The following TSPEAR variants were observed in gnomAD, a reference collection of about 807,000 sequenced individuals.
TSPEAR encodes thrombospondin type laminin G domain and EAR repeats, also known as thrombospondin-type laminin G domain and EAR repeat-containing protein.
Under a neutral mutation model 71.6 loss-of-function variants are expected in TSPEAR, and 69 were observed. That is an observed-to-expected ratio of 0.96 (90% confidence interval 0.79 to 1.18). TSPEAR has a LOEUF of 1.18. TSPEAR is among the 50% of genes most tolerant of loss of function. The pLI, the probability that TSPEAR is intolerant of heterozygous loss-of-function variation, is 0.00. For missense variants in TSPEAR, 971 were observed against 894.9 expected (o/e 1.09, Z -1.09); for synonymous variants, 402 against 387.2 (o/e 1.04, Z -0.45).
At chr21:44,512,135 G>A (rs1601333293) in intron 9 of TSPEAR, among the ~76,000 whole-genome samples, 1 of 152,230 alleles carries the variant, frequency 6.6e-6, no homozygotes, top group East Asian at 1.9e-4. Context: ...CAGGAGGGCT[G>A]GGCGCACACA....
intron 2 of TSPEAR, among the ~76,000 whole-genome samples, chr21:44,565,344 A>T (rs1463654182): frequency 6.6e-6 from 1 of 152,208 alleles, no homozygotes; most frequent in Middle Eastern, 3.2e-3. Flanking sequence ...AGGAAGTATT[A>T]CTTCCTAACT....
chr21:44,654,450 G>A (rs1555942125), intron 1 of TSPEAR: 3 of 1,614,074 alleles, frequency 1.9e-6, no homozygotes. Context: ...CTGGCTGGCA[G>A]CAGGTGGATA....
chr21:44,702,740 G>T (rs116719576), intron 1 of TSPEAR: 21 of 1,423,172 alleles, frequency 1.5e-5, no homozygotes, highest in African/African-American at 2.8e-5. Flanking sequence ...CTCCTCTGCC[G>T]CCGTGTGTGC....
intron 9 of TSPEAR, among the ~76,000 whole-genome samples, chr21:44,511,510 A>G (rs1216913426): frequency 2.0e-5 from 3 of 152,222 alleles, no homozygotes; most frequent in Non-Finnish European, 4.4e-5. Context: ...GCAACCATGC[A>G]TCTGTGTCCA....
chr21:44,530,990 G>A, intron 4 of TSPEAR, 53 bp downstream of exon 4: 1 of 1,430,368 alleles, frequency 7.0e-7, no homozygotes, highest in South Asian at 1.2e-5. Flanking sequence ...ACTGGCCTGG[G>A]GCAGTCCCAT....
chr21:44,527,158 G>A (rs940203124), intron 7 of TSPEAR, 134 bp downstream of exon 7: 3 of 815,796 alleles, frequency 3.7e-6, no homozygotes, highest in East Asian at 2.6e-5. Context: ...GACTCTGTCA[G>A]CCTTTTACCG....
rs1194973308 is a variant in TSPEAR, at chr21:44,674,102, C to G, written c.82+37331G>C. Among the ~76,000 whole-genome samples, 21 of 137,368 alleles carry G rather than the reference C, an allele frequency of 1.5e-4. No homozygotes were observed. In the Admixed American group the frequency reaches 1.6e-3, roughly 10 times the overall value. 90.1% of individuals were successfully genotyped at this position (137,368 alleles called of 152,430 possible). A position where few individuals can be genotyped will look rare whatever the true frequency, so the allele number is the denominator to read the frequency against. ...GAGTTTAAGGCCAGTCTGAGCAACACAGTAAGACTCCATCTCAAAAAAAAA... is the reference window on the plus strand; with the variant it reads ...GAGTTTAAGGCCAGTCTGAGCAACAGAGTAAGACTCCATCTCAAAAAAAAA... On this transcript the variant is annotated intron_variant, in intron 1 of 11. Coordinates refer to ENST00000323084, the MANE Select transcript of TSPEAR (RefSeq NM_144991.3).
At chr21:44,685,448 G>T (rs1188966795) in intron 1 of TSPEAR, among the ~76,000 whole-genome samples, 10 of 152,092 alleles carry the variant, frequency 6.6e-5, no homozygotes, top group African/African-American at 2.4e-4. Flanking sequence ...CTCTGCAGGG[G>T]TGAGACTGAC....
chr21:44,618,863 C>G (rs587637878), intron 1 of TSPEAR, among the ~76,000 whole-genome samples: 121 of 152,262 alleles, frequency 7.9e-4, no homozygotes, highest in Non-Finnish European at 1.5e-3. Flanking sequence ...CAAAAATTTT[C>G]AGTTGGGAAA....
intron 1 of TSPEAR, among the ~76,000 whole-genome samples, chr21:44,669,495 T>C (rs1555945492): frequency 2.0e-5 from 3 of 152,144 alleles, no homozygotes; most frequent in African/African-American, 7.2e-5. Context: ...CAGAGCCTCC[T>C]CCACCCCTCA....
chr21:44,697,022 AGACGC>A lies in TSPEAR; in HGVS notation c.82+14406_82+14410del. On this transcript the variant is annotated intron_variant, in intron 1 of 11. Coordinates refer to ENST00000323084, the MANE Select transcript of TSPEAR (RefSeq NM_144991.3). ...ACTCCCTCCTTCCCATCCAGCACCC[AGACGC>A]TCACTCACTCCCTCCCTCCTGCCCA... The A allele has an allele frequency of 5.5e-6, 5 of 904,960 alleles. 1 individual carries two copies. The highest frequency in any genetic ancestry group is 8.0e-6 in the Non-Finnish European group (5 of 628,874). 56.1% of individuals were successfully genotyped at this position (904,960 alleles called of 1,614,324 possible). A position where few individuals can be genotyped will look rare whatever the true frequency, so the allele number is the denominator to read the frequency against.
At chr21:44,646,056 C>T (rs967535769) in intron 1 of TSPEAR, among the ~76,000 whole-genome samples, 5 of 118,354 alleles carry the variant, frequency 4.2e-5, no homozygotes, top group South Asian at 3.0e-4. Context: ...ACCCAGGGGG[C>T]GGAGGTTGCA....
chr21:44,601,299 G>A (rs782280612), intron 1 of TSPEAR: 3 of 1,610,852 alleles, frequency 1.9e-6, no homozygotes, highest in Middle Eastern at 1.7e-4. Flanking sequence ...CTTGCCAGCA[G>A]GCCTGCTGTG....
chr21:44,628,076 G>C (rs782134593), intron 1 of TSPEAR: 6 of 1,594,268 alleles, frequency 3.8e-6, no homozygotes, highest in South Asian at 1.1e-5. Context: ...GGGCCAGCCG[G>C]GCTCAGGCCC....
At chr21:44,538,286 A>G (rs1408714509) in intron 2 of TSPEAR, among the ~76,000 whole-genome samples, 1 of 152,130 alleles carries the variant, frequency 6.6e-6, no homozygotes, top group African/African-American at 2.4e-5. Flanking sequence ...CCTTTCCCAC[A>G]GGACATCACA....
intron 1 of TSPEAR, among the ~76,000 whole-genome samples, chr21:44,618,816 G>T (rs587658886): frequency 6.6e-6 from 1 of 152,158 alleles, no homozygotes; most frequent in East Asian, 1.9e-4. Flanking sequence ...GTGTTACAAC[G>T]TTTAAAGGTA....
rs2052194071 is a variant in TSPEAR at position 44,506,112 on chromosome 21, G to A, written c.1755-1231C>T. Among the ~76,000 whole-genome samples the A allele has an allele frequency of 6.6e-6, 1 of 152,218 alleles. No homozygotes were observed. Among genetic ancestry groups the A allele is most frequent in the Non-Finnish European group, 1.5e-5 (1 of 68,038 alleles). On this transcript the variant is annotated intron_variant, in intron 10 of 11. Transcript: ENST00000323084. This position sits in a 1 kb window ranked among gnomAD's most constrained non-coding sequence, Gnocchi z 4.2. ...GACCTGCAGGACCTGCTCGTTCACA[G>A]ATGTTCTCCTAGAAGCAGAAGCTGT...
intron 1 of TSPEAR, among the ~76,000 whole-genome samples, chr21:44,663,626 A>C (rs886359017): frequency 1.3e-5 from 2 of 152,124 alleles, no homozygotes; most frequent in African/African-American, 4.8e-5. Flanking sequence ...TCTTGATATC[A>C]AATTTGAACA....
chr21:44,627,619 T>C lies in TSPEAR; in HGVS notation c.83-59614A>G. On this transcript the variant is annotated intron_variant, in intron 1 of 11. Transcript: ENST00000323084. Reference sequence around the variant, plus strand: ...TGTGCCCGTCTGCTGCAAACCTGTGTGCTGTGCGCCCACCTGCTCTGAGGA... The same window carrying C: ...TGTGCCCGTCTGCTGCAAACCTGTGCGCTGTGCGCCCACCTGCTCTGAGGA... 1 of 1,612,816 alleles carries C rather than the reference T, an allele frequency of 6.2e-7. No individual in the cohort carries two copies. The highest frequency in any genetic ancestry group is 8.5e-7 in the Non-Finnish European group (1 of 1,179,424).
Sources: allele counts gnomAD v4.1 joint callset (sites outside exome capture counted in the v4.1 genomes callset), GRCh38; gene constraint gnomAD v4.1.1; non-coding constraint Gnocchi (gnomAD v3.1); transcripts MANE v1.5; gene names NCBI Gene and HGNC (gene_info 2026-07-23, HGNC 2026-07-21).